Variants in CCDC192 observed in about 807,000 individuals in gnomAD.
CCDC192 encodes the protein coiled-coil domain-containing protein 192.
At chr5:127,924,455 C>T (rs1322342518) in intron 6 of CCDC192, among the ~76,000 whole-genome samples, 1 of 152,120 alleles carries the variant, frequency 6.6e-6, no homozygotes, top group Non-Finnish European at 1.5e-5. Context: ...AGATTCTTAG[C>T]ATTTGCTAGA....
chr5:127,830,760 T>C (rs1237077677), intron 5 of CCDC192, among the ~76,000 whole-genome samples: 1 of 148,540 alleles, frequency 6.7e-6, no homozygotes, highest in Non-Finnish European at 1.5e-5. Flanking sequence ...TAAAGGTTTT[T>C]GAGAAAAAAA....
At chr5:127,797,765 ATATATATATATATT>A (rs1362014271) in intron 4 of CCDC192, among the ~76,000 whole-genome samples, 21 of 7,482 alleles carry the variant, frequency 2.8e-3, no homozygotes, top group Non-Finnish European at 3.4e-3. Flanking sequence ...ATATATATAT[ATATATATATATATT>A]TATTTATTTA....
chr5:127,918,660 T>C (rs1281815901), intron 6 of CCDC192, among the ~76,000 whole-genome samples: 2 of 152,216 alleles, frequency 1.3e-5, no homozygotes, highest in Non-Finnish European at 2.9e-5. Flanking sequence ...AAATCAAACT[T>C]TTATATTGGT....
chr5:127,822,464 A>G (rs536028920), intron 5 of CCDC192, among the ~76,000 whole-genome samples: 1 of 152,276 alleles, frequency 6.6e-6, no homozygotes, highest in African/African-American at 2.4e-5. Flanking sequence ...AGTGGGGTTA[A>G]AAAAAAGACA....
intron 5 of CCDC192, among the ~76,000 whole-genome samples, chr5:127,828,170 G>A (rs984889047): frequency 5.3e-5 from 8 of 152,182 alleles, no homozygotes; most frequent in African/African-American, 1.9e-4. Context: ...GCTTCCCAAA[G>A]TGCTGAGATT....
chr5:127,766,656 TTAC>T (rs545890293), intron 3 of CCDC192, among the ~76,000 whole-genome samples: 96 of 148,720 alleles, frequency 6.5e-4, no homozygotes, highest in African/African-American at 2.3e-3. Flanking sequence ...AAAGTTTCAC[TTAC>T]TCGAACTACC....
In CCDC192 at chr5:127,941,322, G is replaced by A; in HGVS notation, c.676G>A (p.Glu226Lys). Residue 226 changes from glutamate to lysine, a missense_variant, in exon 7 of 7, where the codon GAA becomes AAA. By Grantham distance (56) the Glu-to-Lys change is moderately conservative. Coordinates refer to ENST00000514853, the MANE Select transcript of CCDC192 (RefSeq NM_001317938.2). ...RITQLKEVLE[E>K]KERKIQQLEA... ...TACTCAGCTGAAAGAAGTTTTGGAGGAAAAGGAAAGGAAGATTCAGCAGCT... is the reference window on the plus strand; with the variant it reads ...TACTCAGCTGAAAGAAGTTTTGGAGAAAAAGGAAAGGAAGATTCAGCAGCT... 2.5e-6 allele frequency: 1 copy of A among 399,044 alleles called. No homozygotes were observed. The highest frequency in any genetic ancestry group is 4.4e-6 in the Non-Finnish European group (1 of 226,074). 24.7% of individuals were successfully genotyped at this position (399,044 alleles called of 1,614,324 possible).
intron 5 of CCDC192, among the ~76,000 whole-genome samples, chr5:127,831,651 A>T (rs1472810872): frequency 6.6e-6 from 1 of 152,230 alleles, no homozygotes; most frequent in Non-Finnish European, 1.5e-5. Flanking sequence ...AAATGAATAC[A>T]TAAAGGTAAT....
chr5:127,876,381 G>A (rs533965063), intron 6 of CCDC192, among the ~76,000 whole-genome samples: 89 of 152,204 alleles, frequency 5.8e-4, no homozygotes, highest in African/African-American at 2.0e-3. Flanking sequence ...AACCTCTAAG[G>A]TAAGTACATT....
intron 2 of CCDC192, among the ~76,000 whole-genome samples, chr5:127,753,546 A>C (rs1452610005): frequency 6.6e-6 from 1 of 152,152 alleles, no homozygotes; most frequent in Non-Finnish European, 1.5e-5. Flanking sequence ...AAATATAAAA[A>C]TTATCCAGGC....
intron 2 of CCDC192, among the ~76,000 whole-genome samples, chr5:127,709,963 C>T (rs758108287): frequency 2.6e-5 from 4 of 152,076 alleles, no homozygotes; most frequent in Non-Finnish European, 4.4e-5. Context: ...CTCTCATGGA[C>T]GGTATCTACA....
chr5:127,913,598 A>C (rs1433006173), intron 6 of CCDC192, among the ~76,000 whole-genome samples: 1 of 152,232 alleles, frequency 6.6e-6, no homozygotes, highest in Non-Finnish European at 1.5e-5. Flanking sequence ...CTATTTGAAA[A>C]TTTTAAAACA....
chr5:127,932,456 G>A (rs1402661597), intron 6 of CCDC192, among the ~76,000 whole-genome samples: 5 of 151,790 alleles, frequency 3.3e-5, no homozygotes, highest in South Asian at 2.1e-4. Flanking sequence ...CTCCCACTTC[G>A]GCCTCCTAAA....
In CCDC192 at chr5:127,742,165, G is replaced by T. The variant is rs376030576; in HGVS notation, c.115-12103G>T. On this transcript the variant is annotated intron_variant, in intron 2 of 6. Coordinates refer to ENST00000514853, the MANE Select transcript of CCDC192 (RefSeq NM_001317938.2). ...AATATTTTTTGAACTTAAATGAATT[G>T]AATTGCTTTGAGCTGAATAAGAGTT... is the stretch of plus-strand genomic sequence containing the variant. 8.5e-5 allele frequency among the ~76,000 whole-genome samples: 13 copies of T among 152,276 alleles called. 1 individual carries two copies. The South Asian group carries it at 2.5e-3, about 29-fold the overall frequency.
intron 5 of CCDC192, among the ~76,000 whole-genome samples, chr5:127,848,791 G>A (rs1414890710): frequency 1.3e-5 from 2 of 152,186 alleles, no homozygotes; most frequent in African/African-American, 4.8e-5. Flanking sequence ...GAGACACTTA[G>A]GTCGTTCTGG....
intron 2 of CCDC192, among the ~76,000 whole-genome samples, chr5:127,730,014 C>T (rs767659839): frequency 6.6e-6 from 1 of 151,984 alleles, no homozygotes; most frequent in Non-Finnish European, 1.5e-5. Flanking sequence ...CAAGAAATAA[C>T]CAAAATCAAA....
chr5:127,860,299 C>G (rs1363440317), intron 5 of CCDC192, among the ~76,000 whole-genome samples: 1 of 152,156 alleles, frequency 6.6e-6, no homozygotes, highest in Non-Finnish European at 1.5e-5. Context: ...TTGAATAGAA[C>G]TAAATTATTG....
intron 3 of CCDC192, among the ~76,000 whole-genome samples, chr5:127,771,456 T>C (rs1050675630): frequency 2.6e-4 from 40 of 152,188 alleles, no homozygotes; most frequent in African/African-American, 9.4e-4. Flanking sequence ...GGGATGATAA[T>C]GGAGAGGGAG....
chr5:127,709,909 C>T (rs1751222986), intron 2 of CCDC192, among the ~76,000 whole-genome samples: 1 of 152,108 alleles, frequency 6.6e-6, no homozygotes, highest in African/African-American at 2.4e-5. Context: ...CTTAACTGCC[C>T]TGTCTTCTAA....
Sources: allele counts gnomAD v4.1 joint callset (sites outside exome capture counted in the v4.1 genomes callset), GRCh38; gene constraint gnomAD v4.1.1; transcripts MANE v1.5; gene names NCBI Gene and HGNC (gene_info 2026-07-23, HGNC 2026-07-21).